Variants in ELF1 observed in about 807,000 individuals in gnomAD.
ELF1 encodes the protein E74 like ETS transcription factor 1, also known as ETS-related transcription factor Elf-1.
In ELF1, 24 loss-of-function variants were observed where a neutral mutation model predicts 59.9. The observed-to-expected ratio is 0.40, with a 90% CI of 0.29 to 0.56. ELF1 has a LOEUF of 0.56. Among genes scored for constraint, ELF1 ranks in the 20% least tolerant of loss-of-function variants. The pLI is 0.44. For missense variants in ELF1, 627 were observed against 742.2 expected (o/e 0.84, Z 1.80); for synonymous variants, 248 against 266.2 (o/e 0.93, Z 0.67).
intron 1 of ELF1, among the ~76,000 whole-genome samples, chr13:41,017,037 A>ATTCCCACCTC (rs1437981036): frequency 7.1e-6 from 1 of 141,200 alleles, no homozygotes; most frequent in Non-Finnish European, 1.5e-5. Flanking sequence ...CTCAAATTTA[A>ATTCCCACCTC]TTCCCACCTC....
intron 1 of ELF1, among the ~76,000 whole-genome samples, chr13:41,031,861 T>C (rs1056676195): frequency 5.4e-5 from 8 of 149,042 alleles, no homozygotes; most frequent in East Asian, 1.9e-4. Context: ...CAAATTGTTA[T>C]ATAATTTGCT....
intron 1 of ELF1, among the ~76,000 whole-genome samples, chr13:41,038,353 CA>C (rs1876469323): frequency 6.6e-6 from 1 of 151,860 alleles, no homozygotes; most frequent in Non-Finnish European, 1.5e-5. Flanking sequence ...CCCATCTCTA[CA>C]AAAAATACAA....
At chr13:41,033,657 T>C (rs1432052779) in intron 1 of ELF1, among the ~76,000 whole-genome samples, 1 of 152,196 alleles carries the variant, frequency 6.6e-6, no homozygotes, top group Non-Finnish European at 1.5e-5. Context: ...GAACTGTGCA[T>C]GCAAACTATC....
At chr13:41,041,131 G>A (rs1876588404) in intron 1 of ELF1, among the ~76,000 whole-genome samples, 1 of 151,902 alleles carries the variant, frequency 6.6e-6, no homozygotes, top group Non-Finnish European at 1.5e-5. Flanking sequence ...AAGGCAGTGG[G>A]GTAGGAGGAA....
At position 40,968,576 on chromosome 13, in the gene ELF1, T is replaced by C. The variant is rs1201597962; in HGVS notation, c.73-9560A>G. ...CACAAAGCAAGCTAGGATTGTACAA[T>C]AGATTTCCAAAGCCCAGTACAAAGT... is the stretch of plus-strand genomic sequence containing the variant. On this transcript the variant is annotated intron_variant, in intron 2 of 8. Coordinates refer to ENST00000239882, the MANE Select transcript of ELF1 (RefSeq NM_172373.4). 2.6e-5 allele frequency among the ~76,000 whole-genome samples: 4 copies of C among 152,260 alleles called. No homozygotes were observed. The East Asian group carries it at 5.8e-4, about 22-fold the overall frequency.
chr13:41,050,305 C>G (rs1451757717), intron 1 of ELF1, among the ~76,000 whole-genome samples: 1 of 152,098 alleles, frequency 6.6e-6, no homozygotes. Flanking sequence ...GCATAATGTC[C>G]TCAAGGTTAT....
rs1480851394 is a variant in ELF1, at chr13:40,958,843, G to A, written c.246C>T (p.Thr82=). The part of the protein sequence containing the change: ...EIIDDDDDDI[T]LTVEASCHDG... ...GGATGGAGACACACGCACCTGTAAGGGTGATGTCATCATCATCATCGTCTA... is the reference window on the plus strand; with the variant it reads ...GGATGGAGACACACGCACCTGTAAGAGTGATGTCATCATCATCATCGTCTA... The change falls in exon 3 of 9, where the codon ACC becomes ACT. Residue 82 remains threonine, a synonymous_variant. Transcript: ENST00000239882. The A allele has an allele frequency of 1.2e-6, 2 of 1,610,274 alleles. No individual in the cohort carries two copies. The highest frequency in any genetic ancestry group is 1.3e-5 in the African/African-American group (1 of 74,886).
chr13:40,952,213 C>A (rs978939506), intron 3 of ELF1, among the ~76,000 whole-genome samples: 2 of 151,998 alleles, frequency 1.3e-5, no homozygotes, highest in Non-Finnish European at 2.9e-5. Context: ...TTTTTCTATA[C>A]CCCCTCTAAC....
At chr13:40,978,792 CAA>C (rs201877250) in intron 2 of ELF1, among the ~76,000 whole-genome samples, 4 of 107,280 alleles carry the variant, frequency 3.7e-5, no homozygotes, top group Admixed American at 9.3e-5. Context: ...AAAGACTGGC[CAA>C]AAAAAAAAAA....
At position 40,949,788 on chromosome 13, in the gene ELF1, A is replaced by C. The variant is rs752710533; in HGVS notation, c.529+18T>G. 1 of 1,613,308 alleles carries C rather than the reference A, an allele frequency of 6.2e-7. No individual in the cohort carries two copies. Among genetic ancestry groups the C allele is most frequent in the South Asian group, 1.1e-5 (1 of 90,920 alleles). Reference sequence around the variant, plus strand: ...ACCAAGACTTGACTATGCGCCCTAAACAAAGTAACCCACCTACCTTTTTTC... The same window carrying C: ...ACCAAGACTTGACTATGCGCCCTAACCAAAGTAACCCACCTACCTTTTTTC... On this transcript the variant is annotated intron_variant, in intron 5 of 8. Transcript: ENST00000239882.
chr13:41,051,549 C>A (rs1237588441), intron 1 of ELF1, among the ~76,000 whole-genome samples: 2 of 151,342 alleles, frequency 1.3e-5, no homozygotes, highest in South Asian at 2.1e-4. Context: ...AAATGAAAAA[C>A]ACACACACAC....
chr13:41,002,863 A>G (rs1294432184), intron 1 of ELF1, among the ~76,000 whole-genome samples: 1 of 152,178 alleles, frequency 6.6e-6, no homozygotes, highest in African/African-American at 2.4e-5. Context: ...ATTATTTACT[A>G]TGTCCCATCT....
Position 40,933,216 on chromosome 13 carries a change from G to T in ELF1, c.*209C>A. The T allele has an allele frequency of 1.7e-6, 1 of 596,106 alleles. No individual in the cohort carries two copies. Among genetic ancestry groups the T allele is most frequent in the Non-Finnish European group, 2.8e-6 (1 of 362,506 alleles). The allele number at this position is 596,106 out of a possible 1,614,324, so 36.9% of individuals were successfully genotyped here. A position where few individuals can be genotyped will look rare whatever the true frequency, so the allele number is the denominator to read the frequency against. On this transcript the variant is annotated 3_prime_UTR_variant, in exon 9 of 9. Transcript: ENST00000239882. ...AATGTCTTCATAGTGTAAAATGCCTGTTCCTTCACGATTGAATTCTGAAAC... is the reference window on the plus strand; with the variant it reads ...AATGTCTTCATAGTGTAAAATGCCTTTTCCTTCACGATTGAATTCTGAAAC...
chr13:40,952,072 A>G (rs1471677017), intron 3 of ELF1, among the ~76,000 whole-genome samples: 1 of 152,124 alleles, frequency 6.6e-6, no homozygotes, highest in Non-Finnish European at 1.5e-5. Context: ...TACATTTCTG[A>G]GTTGCCATTC....
intron 3 of ELF1, among the ~76,000 whole-genome samples, chr13:40,957,377 A>G (rs1003657094): frequency 1.6e-4 from 23 of 139,460 alleles, no homozygotes; most frequent in Non-Finnish European, 2.8e-4. Flanking sequence ...CAAAAAAGCA[A>G]TAACTACTAA....
At chr13:41,059,843 C>T (rs1239127848) in intron 1 of ELF1, among the ~76,000 whole-genome samples, 1 of 152,180 alleles carries the variant, frequency 6.6e-6, no homozygotes, top group Non-Finnish European at 1.5e-5. Context: ...CCCACCTCCA[C>T]CCCAGGATGT....
intron 1 of ELF1, among the ~76,000 whole-genome samples, chr13:41,038,859 T>G (rs991126270): frequency 1.3e-5 from 2 of 151,180 alleles, no homozygotes; most frequent in Non-Finnish European, 1.5e-5. Context: ...CTACTAAAAA[T>G]GCAAAAATAA....
chr13:40,989,785 C>T (rs1336923456), intron 1 of ELF1, among the ~76,000 whole-genome samples: 1 of 151,894 alleles, frequency 6.6e-6, no homozygotes, highest in Non-Finnish European at 1.5e-5. Context: ...TAGCATTTTC[C>T]AGAAATATAT....
At chr13:41,029,218 A>T (rs1182452393) in intron 1 of ELF1, among the ~76,000 whole-genome samples, 1 of 152,176 alleles carries the variant, frequency 6.6e-6, no homozygotes, top group Non-Finnish European at 1.5e-5. Flanking sequence ...GAGATTAAAT[A>T]TGGTTTAAGT....
Sources: allele counts gnomAD v4.1 joint callset (sites outside exome capture counted in the v4.1 genomes callset), GRCh38; gene constraint gnomAD v4.1.1; transcripts MANE v1.5; gene names NCBI Gene and HGNC (gene_info 2026-07-23, HGNC 2026-07-21).